AARS2: variants seen among roughly 807,000 people sequenced by gnomAD.
AARS2 encodes the protein alanyl-tRNA synthetase 2, mitochondrial.
A neutral mutation model predicts 119.7 loss-of-function variants in AARS2; 78 were observed. The observed-to-expected ratio is 0.65, with a 90% confidence interval of 0.54 to 0.79. AARS2 has a LOEUF of 0.79. AARS2 is among the 30% of genes least tolerant of loss of function. AARS2 has a pLI of 0.00. For synonymous variants in AARS2, 502 were observed against 526.3 expected, an observed-to-expected ratio of 0.95 and a Z score of 0.63; for missense variants, 1,157 against 1,291.3, an observed-to-expected ratio of 0.90 and a Z score of 1.59.
chr6:44,303,087 GAGGT>G lies in AARS2; in HGVS notation c.2230_2233del (p.Thr744LeufsTer16). 6.2e-7 allele frequency: 1 copy of G among 1,614,134 alleles called. No individual in the cohort carries two copies. The highest frequency in any genetic ancestry group is 8.5e-7 in the Non-Finnish European group (1 of 1,180,042). Reference sequence around the variant, plus strand: ...TCACGTCCCACAGCATAGCTCCACAGAGGTCTGCAGTGCGGCTTGGGAGGCTGGG... The same window carrying G: ...TCACGTCCCACAGCATAGCTCCACAGCTGCAGTGCGGCTTGGGAGGCTGGG... On this transcript the variant is annotated frameshift_variant, in exon 16 of 22. Coordinates refer to ENST00000244571, the MANE Select transcript of AARS2 (RefSeq NM_020745.4). LOFTEE classifies it high-confidence loss of function.
rs1217082353 is a variant in AARS2 at position 44,299,855 on chromosome 6, A to G, written c.*692T>C. 6.5e-6 allele frequency: 1 copy of G among 153,036 alleles called. No individual in the cohort carries two copies. The highest frequency in any genetic ancestry group is 1.5e-5 in the Non-Finnish European group (1 of 68,668). 9.5% of individuals were successfully genotyped at this position (153,036 alleles called of 1,614,324 possible). On this transcript the variant is annotated 3_prime_UTR_variant, in exon 22 of 22. Coordinates refer to ENST00000244571, the MANE Select transcript of AARS2 (RefSeq NM_020745.4). ...CCTGTCCGAACACTCATGGCAATGAAGATGGCCCGATTTGGATCCTGGGTG... is the reference window on the plus strand; with the variant it reads ...CCTGTCCGAACACTCATGGCAATGAGGATGGCCCGATTTGGATCCTGGGTG...
chr6:44,300,392 G>A lies in AARS2; in HGVS notation c.*155C>T, dbSNP rs1785260425. 1 of 1,053,076 alleles carries A rather than the reference G, an allele frequency of 9.5e-7. No homozygotes were observed. The highest frequency in any genetic ancestry group is 1.4e-6 in the Non-Finnish European group (1 of 695,098). 65.2% of individuals were successfully genotyped at this position (1,053,076 alleles called of 1,614,324 possible). A position where few individuals can be genotyped will look rare whatever the true frequency, so the allele number is the denominator to read the frequency against. Reference sequence around the variant, plus strand: ...TGCCTTCCCTAGCCCATGTCTCCTTGTGTCACGTAGGCCCTGGCCCAGGTG... The same window carrying A: ...TGCCTTCCCTAGCCCATGTCTCCTTATGTCACGTAGGCCCTGGCCCAGGTG... On this transcript the variant is annotated 3_prime_UTR_variant, in exon 22 of 22. Coordinates refer to ENST00000244571, the MANE Select transcript of AARS2 (RefSeq NM_020745.4).
chr6:44,306,429 T>A, intron 8 of AARS2, 38 bp from the exon 9 acceptor site: 1 of 1,614,066 alleles, frequency 6.2e-7, no homozygotes, highest in Non-Finnish European at 8.5e-7. Context: ...TGGGTCTCCT[T>A]GGAAGGAGGG....
Position 44,305,285 on chromosome 6 carries a change from C to T in AARS2, c.1435-87G>A, listed in dbSNP as rs758282043. On this transcript the variant is annotated intron_variant, in intron 10 of 21. Transcript: ENST00000244571. This position sits in a 1 kb window ranked among gnomAD's most constrained non-coding sequence, Gnocchi z 4.6. ...TCAGCCTCGCAGGGCCCTGTCCCTGCCACACAGCTGTGGACTCTGCAGCCC... is the reference window on the plus strand; with the variant it reads ...TCAGCCTCGCAGGGCCCTGTCCCTGTCACACAGCTGTGGACTCTGCAGCCC... The T allele has an allele frequency of 3.3e-5, 52 of 1,572,826 alleles. No homozygotes were observed. The African/African-American group carries it at 6.1e-4, about 18-fold the overall frequency.
Position 44,306,544 on chromosome 6 carries a change from G to A in AARS2, c.1150-12C>T. On this transcript the variant is annotated splice_polypyrimidine_tract_variant and intron_variant, in intron 7 of 21. Transcript: ENST00000244571. ...GGATAAGCATCTCCCTGGGGGAGGT[G>A]GAGAGGGCTGAGGAGGTGTGAAAGG... The A allele has an allele frequency of 1.2e-6, 2 of 1,614,128 alleles. No individual in the cohort carries two copies. Among genetic ancestry groups the A allele is most frequent in the Non-Finnish European group, 1.7e-6 (2 of 1,180,018 alleles).
chr6:44,301,966 C>G, intron 19 of AARS2, 94 bp downstream of exon 19: 2 of 1,330,296 alleles, frequency 1.5e-6, no homozygotes, highest in Non-Finnish European at 2.1e-6. Context: ...CTTGCACAGC[C>G]TCTGACTCAC....
In AARS2 at chr6:44,312,182, C is replaced by CA; in HGVS notation, c.324dup (p.Val109CysfsTer8). On this transcript the variant is annotated frameshift_variant, in exon 2 of 22. Coordinates refer to ENST00000244571, the MANE Select transcript of AARS2 (RefSeq NM_020745.4). LOFTEE classifies it high-confidence loss of function. ...TCGTTATGGTGTCCTCCAGCTCTCA[C>CA]ACATTTCTGGCTGTTGGCCACACGT... 6.2e-7 allele frequency: 1 copy of CA among 1,614,264 alleles called. No individual in the cohort carries two copies. Among genetic ancestry groups the CA allele is most frequent in the Non-Finnish European group, 8.5e-7 (1 of 1,180,056 alleles).
chr6:44,313,271 C>G lies in AARS2; in HGVS notation c.53G>C (p.Arg18Thr). The G allele has an allele frequency of 6.3e-7, 1 of 1,597,648 alleles. No homozygotes were observed. The highest frequency in any genetic ancestry group is 8.5e-7 in the Non-Finnish European group (1 of 1,175,838). The change falls in exon 1 of 22, where the codon AGG becomes ACG. Residue 18 changes from arginine (R) to threonine (T), a missense_variant. Coordinates refer to ENST00000244571, the MANE Select transcript of AARS2 (RefSeq NM_020745.4). Reference protein sequence around the residue: ...AARRLRRAIRRSPAWRGLSHR... With the variant: ...AARRLRRAIRTSPAWRGLSHR... ...GCTGAGGCCCCGCCATGCGGGCGAC[C>G]TTCGAATGGCCCGCCGCAGCCTCCG...
Position 44,301,138 on chromosome 6 carries a change from C to G in AARS2, c.2793+18G>C. On this transcript the variant is annotated intron_variant, in intron 21 of 21. Transcript: ENST00000244571. ...GGGTATTAATGGGGGCGGTGGGCTGCTCTCCCACTTCCCTCACCTGGGCCA... is the reference window on the plus strand; with the variant it reads ...GGGTATTAATGGGGGCGGTGGGCTGGTCTCCCACTTCCCTCACCTGGGCCA... 2.3e-5 allele frequency: 36 copies of G among 1,591,792 alleles called. No homozygotes were observed. The highest frequency in any genetic ancestry group is 2.8e-5 in the Non-Finnish European group (33 of 1,161,118).
rs377015233 is a variant in AARS2 at position 44,305,688 on chromosome 6, C to T, written c.1399G>A (p.Ala467Thr). 80 of 1,614,020 alleles carry T rather than the reference C, an allele frequency of 5.0e-5. No individual in the cohort carries two copies. Among genetic ancestry groups the T allele is most frequent in the South Asian group, 2.1e-4 (19 of 91,090 alleles). ...TCTTGGGCCAACCGCTCCAGTCCAG[C>T]GGAGTCTAGCTGGACCCCTTTCTCC... ...LEEKGVQLDSAGLERLAQEEA... is the reference protein window; with the variant it reads ...LEEKGVQLDSTGLERLAQEEA... The change falls in exon 10 of 22, where the codon GCT (alanine) becomes ACT (threonine). Residue 467 changes from alanine (A) to threonine (T), a missense_variant. By Grantham distance (58) the Ala-to-Thr change is moderately conservative (BLOSUM62 0). Transcript: ENST00000244571. The surrounding 1 kb of genome is among the most constrained non-coding windows in gnomAD (Gnocchi z 4.6).
In AARS2 at chr6:44,307,472, TG is replaced by T; in HGVS notation, c.895-79del. ...TGCTCTTTATCGCCTCTAGAGCATC[TG>T]CCCTCAGCCCTAAAGCCAACCACAT... On this transcript the variant is annotated intron_variant, in intron 5 of 21. Transcript: ENST00000244571. This position sits in a 1 kb window ranked among gnomAD's most constrained non-coding sequence, Gnocchi z 4.4. 5.2e-6 allele frequency: 8 copies of T among 1,526,592 alleles called. No individual in the cohort carries two copies. The highest frequency in any genetic ancestry group is 7.0e-6 in the Non-Finnish European group (8 of 1,136,514). The allele number at this position is 1,526,592 out of a possible 1,614,324, so 94.6% of individuals were successfully genotyped here.
chr6:44,303,250 C>A (rs1221071017), intron 15 of AARS2, 36 bp downstream of exon 15: 1 of 1,614,034 alleles, frequency 6.2e-7, no homozygotes, highest in Non-Finnish European at 8.5e-7. Flanking sequence ...CTGAAGGAGG[C>A]CCCCGATCTC....
intron 4 of AARS2, 90 bp from the exon 5 acceptor site, chr6:44,310,533 C>T: frequency 6.6e-7 from 1 of 1,523,180 alleles, no homozygotes; most frequent in Non-Finnish European, 9.0e-7. Flanking sequence ...TGGGGGGGGG[C>T]CCAAGGGAGC....
chr6:44,302,333 G>C (rs1785430123), intron 18 of AARS2, 58 bp downstream of exon 18: 1 of 1,613,542 alleles, frequency 6.2e-7, no homozygotes, highest in African/African-American at 1.3e-5. Context: ...GGAGTCCAGG[G>C]AGGAATAGGG....
Position 44,305,347 on chromosome 6 carries a change from G to C in AARS2, c.1435-149C>G. 1 of 1,293,642 alleles carries C rather than the reference G, an allele frequency of 7.7e-7. No homozygotes were observed. 80.1% of individuals were successfully genotyped at this position (1,293,642 alleles called of 1,614,324 possible). A position where few individuals can be genotyped will look rare whatever the true frequency, so the allele number is the denominator to read the frequency against. On this transcript the variant is annotated intron_variant, in intron 10 of 21. Transcript: ENST00000244571. The surrounding 1 kb of genome is among the most constrained non-coding windows in gnomAD (Gnocchi z 4.6). ...GAACTCAGGGCTTGGCTGGCTGCTA[G>C]AGCCCCTGAGCTGGTTGAACCATCC...
In AARS2 at chr6:44,299,374, G is replaced by A. The variant is rs1210158623; in HGVS notation, c.*1173C>T. Among the ~76,000 whole-genome samples, 3 of 151,902 alleles carry A rather than the reference G, an allele frequency of 2.0e-5. No homozygotes were observed. The highest frequency in any genetic ancestry group is 7.3e-5 in the African/African-American group (3 of 41,344). Reference sequence around the variant, plus strand: ...TGATTTTCCCACCTCAGCCTCCCAAGTAGCTGGGACCAAGGTGTGGGTAGT... The same window carrying A: ...TGATTTTCCCACCTCAGCCTCCCAAATAGCTGGGACCAAGGTGTGGGTAGT... On this transcript the variant is annotated 3_prime_UTR_variant, in exon 22 of 22. Transcript: ENST00000244571.
chr6:44,306,816 G>C, intron 7 of AARS2, 107 bp downstream of exon 7: 1 of 1,050,098 alleles, frequency 9.5e-7, no homozygotes, highest in Non-Finnish European at 1.5e-6. Context: ...TCGATATTTA[G>C]GGTGGGGACC....
At chr6:44,312,983 C>T in intron 1 of AARS2, 98 bp downstream of exon 1, 1 of 1,553,266 alleles carries the variant, frequency 6.4e-7, no homozygotes. Flanking sequence ...CCAAAAGCTA[C>T]GAACTCCGCC....
rs372158824 is a variant in AARS2, at chr6:44,305,209, G to A, written c.1435-11C>T. 3.1e-6 allele frequency: 5 copies of A among 1,609,924 alleles called. No individual in the cohort carries two copies. The African/African-American group carries it at 6.7e-5, about 22-fold the overall frequency. On this transcript the variant is annotated splice_polypyrimidine_tract_variant and intron_variant, in intron 10 of 21. Transcript: ENST00000244571. The surrounding 1 kb of genome is among the most constrained non-coding windows in gnomAD (Gnocchi z 4.6). ...CTGCCGTGCCCGGTGCTGCAGGGTG[G>A]GCATGGGCATGGAAGAAGTGCATGG...
Sources: gnomAD v4.1 joint callset for allele counts (sites outside exome capture counted in the v4.1 genomes callset) on GRCh38, gnomAD v4.1.1 for gene constraint, Gnocchi (gnomAD v3.1) non-coding constraint, MANE v1.5 for transcripts, NCBI Gene and HGNC (gene_info 2026-07-23, HGNC 2026-07-21) for gene names.